RETREG1: variants seen among roughly 807,000 people sequenced by gnomAD.
RETREG1 encodes the protein family with sequence similarity 134 member B.
Under a neutral mutation model 54.8 loss-of-function variants are expected in RETREG1, and 44 were observed. That is an observed-to-expected ratio of 0.80 (90% CI 0.63 to 1.03). The LOEUF (loss-of-function observed/expected upper bound fraction) is 1.03. Ranked by LOEUF, RETREG1 falls within the 50% of genes least tolerant of loss-of-function variation. The pLI, the probability that RETREG1 is intolerant of heterozygous loss-of-function variation, is 0.00. For missense variants in RETREG1, 554 were observed against 605.1 expected (o/e 0.92, Z 0.89); for synonymous variants, 217 against 238.5 (o/e 0.91, Z 0.83).
intron 8 of RETREG1, among the ~76,000 whole-genome samples, chr5:16,476,016 T>C (rs1243756054): frequency 2.0e-5 from 3 of 152,302 alleles, no homozygotes; most frequent in African/African-American, 7.2e-5. Context: ...GAATCTGAGA[T>C]GGGATGCTTA....
chr5:16,559,681 T>C (rs1741803860), intron 3 of RETREG1, among the ~76,000 whole-genome samples: 1 of 152,254 alleles, frequency 6.6e-6, no homozygotes, highest in Non-Finnish European at 1.5e-5. Flanking sequence ...TATGTAAAGT[T>C]ATTTCTTTCT....
chr5:16,590,319 AAAGCCCAGAGGCTACGCACCTGT>A (rs1168881753), intron 1 of RETREG1, among the ~76,000 whole-genome samples: 1 of 152,156 alleles, frequency 6.6e-6, no homozygotes, highest in Non-Finnish European at 1.5e-5. Flanking sequence ...CGGTAACAAA[AAAGCCCAGAGGCTACGCACCTGT>A]ACGGCCAGGT....
chr5:16,586,525 A>C (rs887559009), intron 1 of RETREG1, among the ~76,000 whole-genome samples: 2 of 152,124 alleles, frequency 1.3e-5, no homozygotes, highest in Non-Finnish European at 2.9e-5. Flanking sequence ...CCTGGGTCCC[A>C]CTCTGGACTG....
At chr5:16,598,659 C>A (rs771790957) in intron 1 of RETREG1, among the ~76,000 whole-genome samples, 6 of 152,134 alleles carry the variant, frequency 3.9e-5, no homozygotes, top group Non-Finnish European at 8.8e-5. Context: ...ATTTGTCATA[C>A]CAAACTAGTT....
At chr5:16,562,324 GA>G (rs1299899094) in intron 3 of RETREG1, among the ~76,000 whole-genome samples, 3 of 151,938 alleles carry the variant, frequency 2.0e-5, no homozygotes, top group Non-Finnish European at 4.4e-5. Context: ...TCAAAAAAAA[GA>G]AAAAGAAAGA....
intron 3 of RETREG1, among the ~76,000 whole-genome samples, chr5:16,531,871 T>A (rs954334337): frequency 6.6e-6 from 1 of 152,188 alleles, no homozygotes; most frequent in Non-Finnish European, 1.5e-5. Flanking sequence ...AAACTAATTT[T>A]GCTCCGTGTA....
intron 3 of RETREG1, among the ~76,000 whole-genome samples, chr5:16,505,376 C>G (rs1739909061): frequency 6.6e-6 from 1 of 152,172 alleles, no homozygotes. Context: ...TTTCCTCAGC[C>G]CCTATTATCT....
intron 3 of RETREG1, among the ~76,000 whole-genome samples, chr5:16,545,410 G>A (rs746592853): frequency 1.3e-5 from 2 of 152,058 alleles, no homozygotes; most frequent in Non-Finnish European, 2.9e-5. Context: ...CCATCAGTCT[G>A]GCCAAGTCCC....
chr5:16,545,038 G>A (rs574474082), intron 3 of RETREG1, among the ~76,000 whole-genome samples: 1 of 152,152 alleles, frequency 6.6e-6, no homozygotes, highest in Non-Finnish European at 1.5e-5. Flanking sequence ...GAGGAAAGCA[G>A]GCTTCAAATC....
chr5:16,543,015 C>T lies in RETREG1; in HGVS notation c.458+22748G>A, dbSNP rs79700815. Among the ~76,000 whole-genome samples, 195 of 152,344 alleles carry T rather than the reference C, an allele frequency of 1.3e-3. 1 individual carries two copies. Among genetic ancestry groups the T allele is most frequent in the Non-Finnish European group, 2.5e-3 (172 of 68,030 alleles). On this transcript the variant is annotated intron_variant, in intron 3 of 8. Coordinates refer to ENST00000306320, the MANE Select transcript of RETREG1 (RefSeq NM_001034850.3). ...CTGCACCATTCCTTCCCTTCCAAGA[C>T]AAGAACGGGTCTGCTTTGTCACTGT...
chr5:16,489,994 A>G (rs554989724), intron 3 of RETREG1, among the ~76,000 whole-genome samples: 2 of 152,256 alleles, frequency 1.3e-5, no homozygotes, highest in Non-Finnish European at 2.9e-5. Flanking sequence ...TATTTTTAAT[A>G]TATCAAAGCT....
chr5:16,564,060 C>G (rs987515436), intron 3 of RETREG1, among the ~76,000 whole-genome samples: 1 of 152,122 alleles, frequency 6.6e-6, no homozygotes, highest in Non-Finnish European at 1.5e-5. Context: ...CTTGTCTGCT[C>G]TATTTATACA....
Position 16,590,838 on chromosome 5 carries a change from ACACACATGC to A in RETREG1, c.321-18745_321-18737del, listed in dbSNP as rs1742746189. 9.1e-5 allele frequency among the ~76,000 whole-genome samples: 9 copies of A among 99,258 alleles called. No homozygotes were observed. In the South Asian group the frequency reaches 2.1e-3, roughly 23 times the overall value. 65.1% of individuals were successfully genotyped at this position (99,258 alleles called of 152,430 possible). On this transcript the variant is annotated intron_variant, in intron 1 of 8. Transcript: ENST00000306320. ...CAGACATGCAAACACACACATGCAA[ACACACATGC>A]ACACACAAAAAACACACACATGCAA...
At chr5:16,566,512 C>T (rs1205464794) in intron 2 of RETREG1, among the ~76,000 whole-genome samples, 2 of 152,186 alleles carry the variant, frequency 1.3e-5, no homozygotes, top group Non-Finnish European at 2.9e-5. Flanking sequence ...AAGAAATGAT[C>T]ATGAGGAAGC....
At chr5:16,498,029 A>T (rs1579609299) in intron 3 of RETREG1, among the ~76,000 whole-genome samples, 1 of 152,208 alleles carries the variant, frequency 6.6e-6, no homozygotes, top group African/African-American at 2.4e-5. Flanking sequence ...CTAGGTTTAT[A>T]ATTTCTCTAT....
chr5:16,509,568 G>T (rs924878774), intron 3 of RETREG1: 3 of 152,060 alleles, frequency 2.0e-5, no homozygotes, highest in African/African-American at 7.2e-5. Flanking sequence ...AAGGCCAGAA[G>T]AAATATTACT....
At chr5:16,575,783 T>C (rs1426084969) in intron 1 of RETREG1, among the ~76,000 whole-genome samples, 1 of 152,228 alleles carries the variant, frequency 6.6e-6, no homozygotes, top group Non-Finnish European at 1.5e-5. Context: ...GGACTACATA[T>C]TTGATTCTTT....
At chr5:16,581,334 T>C (rs192275083) in intron 1 of RETREG1, among the ~76,000 whole-genome samples, 2 of 152,098 alleles carry the variant, frequency 1.3e-5, no homozygotes, top group African/African-American at 4.8e-5. Flanking sequence ...AACACAGTGA[T>C]AAGAATCACA....
chr5:16,529,898 A>G (rs918521331), intron 3 of RETREG1, among the ~76,000 whole-genome samples: 5 of 152,094 alleles, frequency 3.3e-5, no homozygotes, highest in African/African-American at 1.2e-4. Flanking sequence ...TCTCTGTTTC[A>G]ATGAGCAGCA....
Sources: gnomAD v4.1 joint callset for allele counts (sites outside exome capture counted in the v4.1 genomes callset) on GRCh38, gnomAD v4.1.1 for gene constraint, MANE v1.5 for transcripts, NCBI Gene and HGNC (gene_info 2026-07-23, HGNC 2026-07-21) for gene names.